Variants in SHOC1 observed in about 807,000 individuals in gnomAD.
SHOC1 encodes shortage in chiasmata 1.
Under a neutral mutation model 179.2 loss-of-function variants are expected in SHOC1, and 136 were observed. The ratio of observed to expected loss-of-function variants is 0.76; its 90% CI spans 0.66 to 0.87. The LOEUF is 0.87. SHOC1 is among the 40% of genes least tolerant of loss of function. The pLI is 0.00. For missense variants in SHOC1, 1,538 were observed against 1,700.8 expected, an observed-to-expected ratio of 0.90 and a Z score of 1.68; for synonymous variants, 489 against 586.6, an observed-to-expected ratio of 0.83 and a Z score of 2.41.
chr9:111,751,002 T>G (rs762483441), intron 8 of SHOC1, among the ~76,000 whole-genome samples: 2 of 152,196 alleles, frequency 1.3e-5, no homozygotes, highest in African/African-American at 4.8e-5. Context: ...CTTTAATCCA[T>G]CTTGAGTTAA....
chr9:111,762,203 G>A (rs1835166586), intron 5 of SHOC1, among the ~76,000 whole-genome samples: 1 of 152,184 alleles, frequency 6.6e-6, no homozygotes, highest in African/African-American at 2.4e-5. Flanking sequence ...GCTGAGGTGG[G>A]AGGATTGCTT....
At chr9:111,758,941 A>G in intron 5 of SHOC1, 93 bp from the exon 6 acceptor site, 1 of 900,384 alleles carries the variant, frequency 1.1e-6, no homozygotes, top group Non-Finnish European at 1.7e-6. Context: ...CATTAGATAC[A>G]GCTGGGTTTT....
intron 18 of SHOC1, among the ~76,000 whole-genome samples, chr9:111,709,465 A>T (rs948759585): frequency 1.3e-5 from 2 of 152,240 alleles, no homozygotes; most frequent in East Asian, 1.9e-4. Context: ...TAGAAAACAG[A>T]ACTACGTTTT....
intron 15 of SHOC1, among the ~76,000 whole-genome samples, chr9:111,719,109 A>G (rs1003878477): frequency 4.6e-5 from 7 of 152,310 alleles, no homozygotes; most frequent in African/African-American, 1.7e-4. Flanking sequence ...AGCCCCTAGA[A>G]GGACTTGTGG....
chr9:111,769,694 T>C (rs1293897330), intron 5 of SHOC1, among the ~76,000 whole-genome samples: 2 of 152,118 alleles, frequency 1.3e-5, no homozygotes, highest in Admixed American at 6.6e-5. Flanking sequence ...GGTTTTGAAC[T>C]CCTGACCTCA....
At position 111,692,352 on chromosome 9, in the gene SHOC1, A is replaced by C. The variant is rs377103084; in HGVS notation, c.3625T>G (p.Tyr1209Asp). ...TCTCCTAATCCTAAATACTGATAAT[A>C]TTCATTATGTTCTTGAATGACAGAG... ...LDSVIQEHNE[Y>D]YQYLGLGETV... is the part of the protein sequence containing the mutation. The change falls in exon 27 of 28, where the codon TAT (tyrosine) becomes GAT (aspartate). Residue 1209 changes from tyrosine to aspartate, a missense_variant. Physicochemically the swap from Tyr to Asp is radical, Grantham distance 160 (BLOSUM62 -3). Transcript: ENST00000682961. 9.2e-5 allele frequency: 148 copies of C among 1,611,534 alleles called. 1 individual carries two copies. Among genetic ancestry groups the C allele is most frequent in the Non-Finnish European group, 1.2e-4 (144 of 1,177,944 alleles).
At position 111,746,243 on chromosome 9, in the gene SHOC1, A is replaced by T. The variant is rs1834271750; in HGVS notation, c.1070T>A (p.Val357Asp). ...TELQTFPLSP[V>D]CKINLLTAEE... is the part of the protein sequence containing the mutation. ...TATAATCTTTACTTACATTTTACAA[A>T]CCGGAGATAATGGAAATGTCTGAAG... Residue 357 changes from valine (V) to aspartate (D), a missense_variant, in exon 10 of 28, where the codon GTT (valine) becomes GAT (aspartate). Transcript: ENST00000682961. 3 of 1,591,172 alleles carry T rather than the reference A, an allele frequency of 1.9e-6. No homozygotes were observed. The South Asian group carries it at 3.3e-5, about 18-fold the overall frequency.
intron 12 of SHOC1, among the ~76,000 whole-genome samples, chr9:111,734,048 C>T (rs1833709860): frequency 6.6e-6 from 1 of 152,066 alleles, no homozygotes; most frequent in Non-Finnish European, 1.5e-5. Context: ...TTAAGCACCC[C>T]TACCCTGACC....
At chr9:111,783,607 C>CTATT (rs1441160490) in intron 3 of SHOC1, 1 of 152,170 alleles carries the variant, frequency 6.6e-6, no homozygotes, top group African/African-American at 2.4e-5. Flanking sequence ...GTCTTCTAAT[C>CTATT]TATTTATACT....
intron 24 of SHOC1, among the ~76,000 whole-genome samples, chr9:111,695,874 TATGCTACAGCGATGCAA>T (rs1831664575): frequency 6.6e-6 from 1 of 152,190 alleles, no homozygotes; most frequent in Admixed American, 6.5e-5. Flanking sequence ...CCAAAGTTGA[TATGCTACAGCGATGCAA>T]AAACAATAAT....
rs551036630 is a variant in SHOC1, at chr9:111,710,987, T to C, written c.2488+2113A>G. 2.0e-5 allele frequency among the ~76,000 whole-genome samples: 3 copies of C among 152,266 alleles called. No homozygotes were observed. In the East Asian group the frequency reaches 5.8e-4, roughly 29 times the overall value. ...AGGTTGACAGTGGTGTTTTATTTTA[T>C]TTTTAAGACTGAAGGGCTTAAACAT... On this transcript the variant is annotated intron_variant, in intron 18 of 27. Coordinates refer to ENST00000682961, the MANE Select transcript of SHOC1 (RefSeq NM_001378211.1).
chr9:111,738,483 G>A lies in SHOC1; in HGVS notation c.1214C>T (p.Thr405Ile), dbSNP rs1833904865. The change falls in exon 12 of 28, where the codon ACA (threonine) becomes ATA (isoleucine). Residue 405 changes from threonine to isoleucine, a missense_variant. Coordinates refer to ENST00000682961, the MANE Select transcript of SHOC1 (RefSeq NM_001378211.1). ...IQEPHSQYSV[T>I]DLKKIFSVKE... Reference sequence around the variant, plus strand: ...AACAGAAAATATCTTTTTCAAATCTGTAACTGAATATTGGCTGTGGGGCTC... The same window carrying A: ...AACAGAAAATATCTTTTTCAAATCTATAACTGAATATTGGCTGTGGGGCTC... The A allele has an allele frequency of 6.3e-7, 1 of 1,596,766 alleles. No homozygotes were observed.
rs1243318118 is a variant in SHOC1, at chr9:111,692,020, A to C, written c.3957T>G (p.Val1319=). The change falls in exon 27 of 28, where the codon GTT becomes GTG. Residue 1319 remains valine, a synonymous_variant. Transcript: ENST00000682961. ...SPTDTQKRVS[V]VPRFINSQKR... is the part of the protein sequence containing the mutation. The stretch of plus-strand genomic sequence containing the variant: ...TCTGAGAATTTATAAAACGGGGGAC[A>C]ACTGACACTCTCTTCTGAGTGTCAG... 4 of 1,613,296 alleles carry C rather than the reference A, an allele frequency of 2.5e-6. No individual in the cohort carries two copies. The East Asian group carries it at 8.9e-5, about 36-fold the overall frequency.
At chr9:111,735,936 TAATGGGC>T (rs1212731077) in intron 12 of SHOC1, among the ~76,000 whole-genome samples, 11 of 152,352 alleles carry the variant, frequency 7.2e-5, no homozygotes, top group African/African-American at 2.6e-4. Flanking sequence ...CAATCCACGT[TAATGGGC>T]ACCTAGGTTG....
At chr9:111,686,916 T>A in intron 27 of SHOC1, 46 bp from the exon 28 acceptor site, 2 of 1,152,712 alleles carry the variant, frequency 1.7e-6, no homozygotes, top group South Asian at 1.3e-5. Flanking sequence ...CTTACAATAG[T>A]AAAGTATAGG....
chr9:111,714,301 C>T, intron 17 of SHOC1, 144 bp downstream of exon 17: 1 of 706,622 alleles, frequency 1.4e-6, no homozygotes, highest in Non-Finnish European at 2.3e-6. Flanking sequence ...TGATTCTGTT[C>T]TGTTACCTTA....
chr9:111,698,187 T>G (rs1033957749), intron 24 of SHOC1, among the ~76,000 whole-genome samples: 3 of 152,238 alleles, frequency 2.0e-5, no homozygotes, highest in African/African-American at 7.2e-5. Context: ...GAAGAAGTTC[T>G]TTAGTTTAAT....
At chr9:111,695,016 G>GA (rs1222678934) in intron 24 of SHOC1, among the ~76,000 whole-genome samples, 2 of 151,968 alleles carry the variant, frequency 1.3e-5, no homozygotes, top group African/African-American at 4.8e-5. Flanking sequence ...AAAAAGTACA[G>GA]AAAAAATAAT....
At chr9:111,754,344 C>T (rs1398086575) in intron 8 of SHOC1, among the ~76,000 whole-genome samples, 2 of 152,070 alleles carry the variant, frequency 1.3e-5, no homozygotes, top group Non-Finnish European at 2.9e-5. Context: ...TACAAATAGC[C>T]AACAGTATGT....
Sources: allele counts gnomAD v4.1 joint callset (sites outside exome capture counted in the v4.1 genomes callset), GRCh38; gene constraint gnomAD v4.1.1; transcripts MANE v1.5; gene names NCBI Gene and HGNC (gene_info 2026-07-23, HGNC 2026-07-21).